The following NT5DC3 variants were observed in gnomAD, a reference collection of about 807,000 sequenced individuals.
The protein encoded by NT5DC3 is 5'-nucleotidase domain containing 3.
NT5DC3 carries 42 observed loss-of-function variants against 67.8 expected under a neutral mutation model. The observed-to-expected ratio is 0.62, with a 90% CI of 0.48 to 0.80. The LOEUF is 0.80. Among genes scored for constraint, NT5DC3 ranks in the 30% least tolerant of loss-of-function variants. NT5DC3 has a pLI of 0.00. For missense variants in NT5DC3, 570 were observed against 696.4 expected (o/e 0.82, Z 2.04); for synonymous variants, 237 against 255.6 (o/e 0.93, Z 0.69).
rs183941925 is a variant in NT5DC3, at chr12:103,813,204, C to T, written c.393+1733G>A. On this transcript the variant is annotated intron_variant, in intron 2 of 13. Transcript: ENST00000392876. The stretch of plus-strand genomic sequence containing the variant: ...CCAATATAACACCCCTTTGGATCCA[C>T]CTTTTAGGGGGTAGTGAACAGATGG... 5.4e-3 allele frequency among the ~76,000 whole-genome samples: 823 copies of T among 152,332 alleles called. 8 individuals are homozygous for T. Among genetic ancestry groups the T allele is most frequent in the Middle Eastern group, 0.01 (3 of 294 alleles).
At chr12:103,764,797 C>T in the NT5DC3 span, among the ~76,000 whole-genome samples, 1 of 152,020 alleles carries the variant, frequency 6.6e-6, no homozygotes, top group East Asian at 1.9e-4. Flanking sequence ...TTCTGGTTCA[C>T]ATTTCAAGGG....
chr12:103,835,494 G>A (rs770354647), intron 1 of NT5DC3, among the ~76,000 whole-genome samples: 1 of 152,164 alleles, frequency 6.6e-6, no homozygotes, highest in Non-Finnish European at 1.5e-5. Flanking sequence ...ACCAAAGCCA[G>A]GAGGGATTTG....
chr12:103,785,283 T>C (rs1206455926), intron 12 of NT5DC3, 52 bp downstream of exon 12: 2 of 1,573,120 alleles, frequency 1.3e-6, no homozygotes, highest in East Asian at 2.2e-5. Flanking sequence ...GAAGTAACTT[T>C]CTAACCTCAG....
At chr12:103,820,416 CAG>C (rs1226270207) in intron 1 of NT5DC3, among the ~76,000 whole-genome samples, 4 of 152,092 alleles carry the variant, frequency 2.6e-5, no homozygotes, top group African/African-American at 9.7e-5. Context: ...TTACTGTTGA[CAG>C]AGAGAGAATA....
chr12:103,761,173 C>A, the NT5DC3 span: 1 of 762,664 alleles, frequency 1.3e-6, no homozygotes, highest in Non-Finnish European at 2.2e-6. Flanking sequence ...AAGTCCTGGG[C>A]TGCCTATCAG....
At chr12:103,799,010 T>C (rs1200389873) in intron 4 of NT5DC3, among the ~76,000 whole-genome samples, 1 of 152,100 alleles carries the variant, frequency 6.6e-6, no homozygotes, top group Non-Finnish European at 1.5e-5. Flanking sequence ...CCAGCTGAGG[T>C]AACTGAAGCA....
At chr12:103,769,417 C>T (rs548654755), downstream of NT5DC3, among the ~76,000 whole-genome samples, 1 of 152,350 alleles carries the variant, frequency 6.6e-6, no homozygotes, top group South Asian at 2.1e-4. Flanking sequence ...GTTCCCCACT[C>T]CTGAGCCCTG....
chr12:103,764,527 C>A, the NT5DC3 span, among the ~76,000 whole-genome samples: 6 of 152,074 alleles, frequency 3.9e-5, no homozygotes, highest in Non-Finnish European at 5.9e-5. Flanking sequence ...GTACATCCTG[C>A]CTGTAGTTTA....
intron 2 of NT5DC3, among the ~76,000 whole-genome samples, chr12:103,807,336 C>G (rs1482960707): frequency 1.3e-5 from 2 of 152,190 alleles, no homozygotes; most frequent in Non-Finnish European, 2.9e-5. Context: ...AAGGAATGTT[C>G]CCCCTAATAC....
At chr12:103,748,988 C>CG in the NT5DC3 span, 1 of 1,613,824 alleles carries the variant, frequency 6.2e-7, no homozygotes, top group Non-Finnish European at 8.5e-7. Context: ...AACAGGACAA[C>CG]GGGGGCTGTG....
chr12:103,831,207 A>T (rs542945126), intron 1 of NT5DC3, among the ~76,000 whole-genome samples: 63 of 152,234 alleles, frequency 4.1e-4, no homozygotes, highest in African/African-American at 1.5e-3. Flanking sequence ...TGTGATAGTG[A>T]GTGAGTCTCA....
chr12:103,840,917 A>C (rs1888392122), intron 1 of NT5DC3, 32 bp downstream of exon 1: 1 of 1,281,862 alleles, frequency 7.8e-7, no homozygotes, highest in East Asian at 3.2e-5. Flanking sequence ...GAGGGGCCCC[A>C]GGCGCCGGGG....
At chr12:103,792,717 T>C (rs909482841) in intron 9 of NT5DC3, among the ~76,000 whole-genome samples, 1 of 152,224 alleles carries the variant, frequency 6.6e-6, no homozygotes, top group Non-Finnish European at 1.5e-5. Flanking sequence ...CTGCACGTGA[T>C]GCAAAACCTG....
intron 9 of NT5DC3, 135 bp from the exon 10 acceptor site, chr12:103,789,054 A>G: frequency 1.5e-6 from 1 of 668,944 alleles, no homozygotes; most frequent in East Asian, 2.5e-5. Context: ...AAACTCCACC[A>G]TCATATTCCC....
chr12:103,788,607 T>C (rs1158542084), intron 10 of NT5DC3, among the ~76,000 whole-genome samples: 1 of 152,234 alleles, frequency 6.6e-6, no homozygotes, highest in Admixed American at 6.5e-5. Flanking sequence ...ATGAAAGTCA[T>C]GCCTTAAATT....
intron 2 of NT5DC3, among the ~76,000 whole-genome samples, chr12:103,811,304 CG>C (rs1276083471): frequency 6.6e-6 from 1 of 152,034 alleles, no homozygotes; most frequent in Non-Finnish European, 1.5e-5. Flanking sequence ...GGAAGCAAGC[CG>C]GGAGCAAGCC....
chr12:103,778,923 A>G (rs1210953173), intron 13 of NT5DC3, among the ~76,000 whole-genome samples: 2 of 152,162 alleles, frequency 1.3e-5, no homozygotes, highest in Non-Finnish European at 2.9e-5. Flanking sequence ...GCTTCTCTAA[A>G]TACACACGCC....
intron 1 of NT5DC3, among the ~76,000 whole-genome samples, chr12:103,816,836 T>G (rs1429687991): frequency 1.3e-5 from 2 of 152,182 alleles, no homozygotes; most frequent in African/African-American, 4.8e-5. Flanking sequence ...CTTAAGATAG[T>G]GCAGTAGTGA....
intron 11 of NT5DC3, chr12:103,785,747 T>C: frequency 4.6e-6 from 2 of 439,236 alleles, no homozygotes; most frequent in Non-Finnish European, 8.2e-6. Flanking sequence ...TTAACCATGG[T>C]CTGTAAAAAA....
Sources: gnomAD v4.1 joint callset for allele counts (sites outside exome capture counted in the v4.1 genomes callset) on GRCh38, gnomAD v4.1.1 for gene constraint, MANE v1.5 for transcripts, NCBI Gene and HGNC (gene_info 2026-07-23, HGNC 2026-07-21) for gene names.